DLGAP2: variants seen among roughly 807,000 people sequenced by gnomAD.
The protein encoded by DLGAP2 is DLG associated protein 2.
Under a neutral mutation model 100.3 loss-of-function variants are expected in DLGAP2, and 26 were observed. The ratio of observed to expected loss-of-function variants is 0.26; its 90% CI spans 0.19 to 0.36. DLGAP2 has a LOEUF of 0.36. Ranked by LOEUF, DLGAP2 falls within the 10% of genes least tolerant of loss-of-function variation. The pLI is 1.00. For missense variants in DLGAP2, 1,858 were observed against 1,453.2 expected (o/e 1.28, Z -4.53); for synonymous variants, 886 against 630.1 (o/e 1.41, Z -6.08).
rs868076307 is a variant in DLGAP2 at position 906,284 on chromosome 8, G to A, written c.19-1628G>A. Among the ~76,000 whole-genome samples, 28 of 152,380 alleles carry A rather than the reference G, an allele frequency of 1.8e-4. No individual in the cohort carries two copies. In the Middle Eastern group the frequency reaches 0.02, roughly 111 times the overall value. On this transcript the variant is annotated intron_variant, in intron 1 of 14. Coordinates refer to ENST00000637795, the MANE Select transcript of DLGAP2 (RefSeq NM_001346810.2). Reference sequence around the variant, plus strand: ...GTATTTTGTGGGCAACTTAGTTTAGGGAAGGATGTGGCGGAGCCTCCCTGT... The same window carrying A: ...GTATTTTGTGGGCAACTTAGTTTAGAGAAGGATGTGGCGGAGCCTCCCTGT...
chr8:926,338 C>T (rs1004708243), intron 2 of DLGAP2, among the ~76,000 whole-genome samples: 7 of 152,178 alleles, frequency 4.6e-5, no homozygotes, highest in South Asian at 4.1e-4. Context: ...GAGGGCTCCC[C>T]GTGTTGGCCA....
intron 2 of DLGAP2, among the ~76,000 whole-genome samples, chr8:1,231,704 T>C (rs1397593656): frequency 6.6e-6 from 1 of 152,206 alleles, no homozygotes; most frequent in East Asian, 1.9e-4. Flanking sequence ...AAGGTCATTA[T>C]ACTAAAAGAA....
intron 3 of DLGAP2, among the ~76,000 whole-genome samples, chr8:1,444,555 C>CT (rs1797928249): frequency 6.6e-6 from 1 of 152,046 alleles, no homozygotes; most frequent in South Asian, 2.1e-4. Context: ...GTGCCTGATC[C>CT]TTCAAAGAGC....
intron 8 of DLGAP2, among the ~76,000 whole-genome samples, chr8:1,657,009 G>T (rs968703681): frequency 6.6e-6 from 1 of 152,028 alleles, no homozygotes; most frequent in African/African-American, 2.4e-5. Context: ...AAAATCATCA[G>T]GGATTTTATA....
chr8:911,719 G>T (rs773177265), intron 2 of DLGAP2, among the ~76,000 whole-genome samples: 1 of 144,976 alleles, frequency 6.9e-6, no homozygotes, highest in Middle Eastern at 4.4e-3. Flanking sequence ...GGAAGGATGT[G>T]GGTATAATGT....
At chr8:757,179 T>C (rs1820942675) in intron 1 of DLGAP2, among the ~76,000 whole-genome samples, 1 of 152,212 alleles carries the variant, frequency 6.6e-6, no homozygotes, top group Admixed American at 6.5e-5. Context: ...CCCTTTCTGC[T>C]TTAAACTTGC....
At chr8:776,255 G>T (rs62485577) in intron 1 of DLGAP2, among the ~76,000 whole-genome samples, 32,843 of 151,382 alleles carry the variant, frequency 0.22, 4,136 homozygotes, top group Non-Finnish European at 0.29. Flanking sequence ...TTCTTTATTA[G>T]TCTTGCTAGC....
At chr8:1,049,883 T>C (rs1563164800) in intron 2 of DLGAP2, among the ~76,000 whole-genome samples, 1 of 151,898 alleles carries the variant, frequency 6.6e-6, no homozygotes, top group Admixed American at 6.6e-5. Flanking sequence ...CACACACAAG[T>C]ACATATGTGT....
At chr8:1,236,970 G>T (rs1457748800) in intron 2 of DLGAP2, among the ~76,000 whole-genome samples, 9 of 142,678 alleles carry the variant, frequency 6.3e-5, no homozygotes, top group East Asian at 2.1e-4. Context: ...CTCTCACATG[G>T]TGCCGTGTCT....
chr8:1,314,908 C>T (rs980403910), intron 3 of DLGAP2, among the ~76,000 whole-genome samples: 4 of 152,156 alleles, frequency 2.6e-5, no homozygotes, highest in Non-Finnish European at 5.9e-5. Context: ...TACATGTTTC[C>T]TTTTACAGCT....
At chr8:1,658,147 G>A (rs1798326940) in intron 8 of DLGAP2, among the ~76,000 whole-genome samples, 1 of 152,042 alleles carries the variant, frequency 6.6e-6, no homozygotes. Context: ...CTTTTATTAT[G>A]CAAATGAGGG....
chr8:1,286,870 C>T (rs1005883236), intron 3 of DLGAP2, among the ~76,000 whole-genome samples: 1 of 152,182 alleles, frequency 6.6e-6, no homozygotes, highest in Admixed American at 6.5e-5. Context: ...CAAGTGCATT[C>T]GAGGAGAAAA....
At chr8:1,608,930 T>A (rs1311621152) in intron 6 of DLGAP2, among the ~76,000 whole-genome samples, 2 of 152,026 alleles carry the variant, frequency 1.3e-5, no homozygotes, top group Non-Finnish European at 2.9e-5. Context: ...TACCTGAAAG[T>A]GATGGGGCGA....
In DLGAP2 at chr8:1,615,288, C is replaced by G. The variant is rs116506925; in HGVS notation, c.1443-11452C>G. Among the ~76,000 whole-genome samples the G allele has an allele frequency of 9.4e-3, 1,424 of 152,278 alleles. 22 individuals are homozygous for G. The highest frequency in any genetic ancestry group is 0.033 in the African/African-American group (1,353 of 41,554). On this transcript the variant is annotated intron_variant, in intron 6 of 14. Coordinates refer to ENST00000637795, the MANE Select transcript of DLGAP2 (RefSeq NM_001346810.2). ...TCCCCAGGCCCACCCCAGCAACGCACGAGCCAAACACCCAAAGCTAAGGAG... is the reference window on the plus strand; with the variant it reads ...TCCCCAGGCCCACCCCAGCAACGCAGGAGCCAAACACCCAAAGCTAAGGAG...
intron 3 of DLGAP2, among the ~76,000 whole-genome samples, chr8:1,477,438 C>G (rs886346740): frequency 5.3e-5 from 8 of 152,198 alleles, no homozygotes; most frequent in African/African-American, 1.7e-4. Context: ...TTGCCTGTCC[C>G]TGCTGGGCCG....
intron 2 of DLGAP2, among the ~76,000 whole-genome samples, chr8:1,214,945 T>C (rs937045721): frequency 6.6e-6 from 1 of 152,228 alleles, no homozygotes; most frequent in Non-Finnish European, 1.5e-5. Context: ...CACTAGAACA[T>C]GCGTTTAAAA....
chr8:1,136,280 C>T lies in DLGAP2; in HGVS notation c.74-122571C>T, dbSNP rs1185384278. Among the ~76,000 whole-genome samples, 14 of 150,616 alleles carry T rather than the reference C, an allele frequency of 9.3e-5. 2 individuals are homozygous for T. Among genetic ancestry groups the T allele is most frequent in the South Asian group, 2.1e-4 (1 of 4,690 alleles). On this transcript the variant is annotated intron_variant, in intron 2 of 14. Transcript: ENST00000637795. ...AATTTCCAGCCCTCTCATTTACCAG[C>T]GAATAGACTTCAAACCTCGTAAAAA...
At position 1,542,236 on chromosome 8, in the gene DLGAP2, A is replaced by T. The variant is rs771828591; in HGVS notation, c.173-6390A>T. 5.3e-5 allele frequency among the ~76,000 whole-genome samples: 8 copies of T among 152,318 alleles called. 3 individuals carry two copies. The highest frequency in any genetic ancestry group is 1.9e-4 in the East Asian group (1 of 5,178). On this transcript the variant is annotated intron_variant, in intron 4 of 14. Coordinates refer to ENST00000637795, the MANE Select transcript of DLGAP2 (RefSeq NM_001346810.2). ...TTCATCACATGCGTGTATTTATTTT[A>T]TTCGAGCTTTATGGGGATATAAGTC...
At chr8:1,446,413 A>G (rs1222676028) in intron 3 of DLGAP2, among the ~76,000 whole-genome samples, 1 of 152,040 alleles carries the variant, frequency 6.6e-6, no homozygotes, top group African/African-American at 2.4e-5. Context: ...GATATGTGGC[A>G]TTATTTCTGA....
Sources: allele counts gnomAD v4.1 joint callset (sites outside exome capture counted in the v4.1 genomes callset), GRCh38; gene constraint gnomAD v4.1.1; transcripts MANE v1.5; gene names NCBI Gene and HGNC (gene_info 2026-07-23, HGNC 2026-07-21).